Variants in SEC24B observed in about 807,000 individuals in gnomAD.
SEC24B encodes the protein protein transport protein Sec24B.
Under a neutral mutation model 142.8 loss-of-function variants are expected in SEC24B, and 45 were observed. The observed-to-expected ratio is 0.32, with a 90% CI of 0.25 to 0.40. The LOEUF is 0.40. Among genes scored for constraint, SEC24B ranks in the 10% least tolerant of loss-of-function variants. The pLI is 1.00. For synonymous variants in SEC24B, 574 were observed against 568.2 expected (o/e 1.01, Z -0.15); for missense variants, 1,409 against 1,526.8 (o/e 0.92, Z 1.29).
chr4:109,521,290 G>A, intron 13 of SEC24B, 118 bp downstream of exon 13: 1 of 954,412 alleles, frequency 1.0e-6, no homozygotes, highest in Non-Finnish European at 1.6e-6. Context: ...AATATAAATG[G>A]CATATCTATT....
intron 4 of SEC24B, among the ~76,000 whole-genome samples, chr4:109,482,936 C>CTATACATATA (rs1733882049): frequency 2.9e-5 from 1 of 34,598 alleles, no homozygotes; most frequent in Non-Finnish European, 6.0e-5. Context: ...CAGGCTTGTA[C>CTATACATATA]TATATATATA....
intron 18 of SEC24B, 54 bp downstream of exon 18, chr4:109,527,486 A>T: frequency 7.3e-7 from 1 of 1,360,966 alleles, no homozygotes; most frequent in Non-Finnish European, 1.0e-6. Context: ...TTAAAAACTG[A>T]AGCTTGGCTG....
intron 1 of SEC24B, among the ~76,000 whole-genome samples, chr4:109,443,512 G>A (rs1729125733): frequency 6.6e-6 from 1 of 152,120 alleles, no homozygotes; most frequent in African/African-American, 2.4e-5. Context: ...AGAGTGCTGG[G>A]ATTACAGGCA....
chr4:109,466,032 A>G (rs1310519209), intron 2 of SEC24B, among the ~76,000 whole-genome samples: 1 of 152,174 alleles, frequency 6.6e-6, no homozygotes, highest in Non-Finnish European at 1.5e-5. Context: ...TCAGGTTAAT[A>G]TGACAAACGT....
intron 1 of SEC24B, chr4:109,449,288 A>T (rs901944202): frequency 3.0e-6 from 1 of 335,364 alleles, no homozygotes; most frequent in South Asian, 2.3e-5. Context: ...TAGTGGCTCA[A>T]TCATGGTTCA....
At chr4:109,535,323 G>C (rs902202440) in intron 22 of SEC24B, among the ~76,000 whole-genome samples, 2 of 152,110 alleles carry the variant, frequency 1.3e-5, no homozygotes, top group Admixed American at 1.3e-4. Flanking sequence ...GGAAGCCTAG[G>C]TGGGTGTATC....
Position 109,539,556 on chromosome 4 carries a change from TC to T in SEC24B, c.3693-3del, listed in dbSNP as rs780461518. ...TTTAGACAAATGCCCTTTTCTTTCT[TC>T]CAGAGATGAGAGTCCTGCCAAAGCA... On this transcript the variant is annotated splice_polypyrimidine_tract_variant and splice_region_variant and intron_variant, in intron 23 of 23. Transcript: ENST00000265175. 3 of 1,590,872 alleles carry T rather than the reference TC, an allele frequency of 1.9e-6. No individual in the cohort carries two copies. The highest frequency in any genetic ancestry group is 1.7e-6 in the Non-Finnish European group (2 of 1,159,144).
intron 2 of SEC24B, among the ~76,000 whole-genome samples, chr4:109,468,103 A>C (rs2125946311): frequency 6.6e-6 from 1 of 150,738 alleles, no homozygotes; most frequent in Non-Finnish European, 1.5e-5. Context: ...TTGGACATAG[A>C]AATATAAGTA....
At chr4:109,482,606 G>T (rs1414979148) in intron 4 of SEC24B, among the ~76,000 whole-genome samples, 1 of 151,820 alleles carries the variant, frequency 6.6e-6, no homozygotes, top group East Asian at 1.9e-4. Flanking sequence ...ATAAACTAAA[G>T]ATAATTTTGT....
intron 4 of SEC24B, among the ~76,000 whole-genome samples, chr4:109,487,386 G>C (rs1734486004): frequency 6.6e-6 from 1 of 152,158 alleles, no homozygotes; most frequent in South Asian, 2.1e-4. Flanking sequence ...TCAAGAGTCA[G>C]AAGTTTGGTG....
At position 109,462,980 on chromosome 4, in the gene SEC24B, C is replaced by T. The variant is rs764332814; in HGVS notation, c.213C>T (p.Tyr71=). ...HQNYIAPSGH[Y]SQGPGKMTSL... ...ACTATATTGCTCCCTCAGGACATTA[C>T]TCTCAAGGACCTGGGAAAATGACCT... Residue 71 remains tyrosine, a synonymous_variant, in exon 2 of 24, where the codon TAC becomes TAT. Coordinates refer to ENST00000265175, the MANE Select transcript of SEC24B (RefSeq NM_006323.5). 5 of 1,613,886 alleles carry T rather than the reference C, an allele frequency of 3.1e-6. No individual in the cohort carries two copies. The highest frequency in any genetic ancestry group is 1.7e-5 in the Admixed American group (1 of 60,006).
chr4:109,481,718 G>C lies in SEC24B; in HGVS notation c.1102G>C (p.Ala368Pro). 2.5e-6 allele frequency: 4 copies of C among 1,613,718 alleles called. No individual in the cohort carries two copies. Among genetic ancestry groups the C allele is most frequent in the Non-Finnish European group, 3.4e-6 (4 of 1,179,736 alleles). The change falls in exon 4 of 24, where the codon GCA becomes CCA. Residue 368 changes from alanine (A) to proline (P), a missense_variant. Around this residue, in one of 2 missense-constraint regions of SEC24B, gnomAD observed 709 missense variants for 673.5 expected, o/e 1.05. Coordinates refer to ENST00000265175, the MANE Select transcript of SEC24B (RefSeq NM_006323.5). ...GEYVNNQASS[A>P]PTPLSSTSDD... ...ATATGTTAATAACCAAGCTAGCTCC[G>C]CACCAACTCCCTTGTCATCAACTTC...
At chr4:109,475,757 G>C (rs1226241222) in intron 3 of SEC24B, among the ~76,000 whole-genome samples, 1 of 151,926 alleles carries the variant, frequency 6.6e-6, no homozygotes, top group Non-Finnish European at 1.5e-5. Flanking sequence ...TTTAACATTT[G>C]GGAAGTTTAC....
intron 15 of SEC24B, 66 bp downstream of exon 15, chr4:109,525,007 C>T (rs1724064206): frequency 1.4e-6 from 2 of 1,404,846 alleles, no homozygotes; most frequent in South Asian, 2.7e-5. Context: ...TAAATCTAAA[C>T]TCTTCAGTAA....
Position 109,491,921 on chromosome 4 carries a change from T to C in SEC24B, c.1246+514T>C, listed in dbSNP as rs984985020. ...CATTACATTCAAGTACAGGAGTAGA[T>C]AGTATTGAAAGAAAAAACTATCATT... On this transcript the variant is annotated intron_variant, in intron 5 of 23. Transcript: ENST00000265175. Among the ~76,000 whole-genome samples, 14 of 152,260 alleles carry C rather than the reference T, an allele frequency of 9.2e-5. No homozygotes were observed. The East Asian group carries it at 2.3e-3, about 25-fold the overall frequency.
At chr4:109,474,480 A>G (rs1732887301) in intron 3 of SEC24B, among the ~76,000 whole-genome samples, 1 of 145,966 alleles carries the variant, frequency 6.9e-6, no homozygotes, top group Non-Finnish European at 1.5e-5. Flanking sequence ...GGTTGAGTGC[A>G]GTGGCATGAT....
rs1037886026 is a variant in SEC24B at position 109,521,668 on chromosome 4, A to G, written c.2508+42A>G. 5.9e-6 allele frequency: 8 copies of G among 1,364,150 alleles called. No individual in the cohort carries two copies. In the East Asian group the frequency reaches 2.0e-4, roughly 34 times the overall value. 84.5% of individuals were successfully genotyped at this position (1,364,150 alleles called of 1,614,324 possible). On this transcript the variant is annotated intron_variant, in intron 14 of 23. Coordinates refer to ENST00000265175, the MANE Select transcript of SEC24B (RefSeq NM_006323.5). ...TTTTTGTCATATTCAAGATTGTGTA[A>G]TTATTTGTTTATTCTATTTCATTAA...
chr4:109,477,207 C>T (rs1733267562), intron 3 of SEC24B, among the ~76,000 whole-genome samples: 1 of 150,084 alleles, frequency 6.7e-6, no homozygotes, highest in East Asian at 2.0e-4. Flanking sequence ...GCCCATTGCA[C>T]ACCTTTTGCC....
At chr4:109,483,092 T>A (rs1165956125) in intron 4 of SEC24B, among the ~76,000 whole-genome samples, 7 of 118,796 alleles carry the variant, frequency 5.9e-5, no homozygotes, top group Admixed American at 7.9e-5. Context: ...ATATATATAT[T>A]TTTTTGAGAT....
Sources: gnomAD v4.1 joint callset for allele counts (sites outside exome capture counted in the v4.1 genomes callset) on GRCh38, gnomAD v4.1.1 for gene constraint, gnomAD v4.1.1 regional missense constraint, MANE v1.5 for transcripts, NCBI Gene and HGNC (gene_info 2026-07-23, HGNC 2026-07-21) for gene names.